The following FAM107B variants were observed in gnomAD, a reference collection of about 807,000 sequenced individuals.
FAM107B encodes family with sequence similarity 107 member B.
A neutral mutation model predicts 31.5 loss-of-function variants in FAM107B; 21 were observed. That is an observed-to-expected ratio of 0.67 (90% CI 0.47 to 0.96). FAM107B has a LOEUF of 0.96. FAM107B is among the 40% of genes least tolerant of loss of function. The probability of loss-of-function intolerance (pLI) is 0.00; values close to 1 mark genes in which losing one functional copy is unlikely to be tolerated. For missense variants in FAM107B, 452 were observed against 377.1 expected (o/e 1.20, Z -1.64); for synonymous variants, 157 against 141.5 (o/e 1.11, Z -0.78).
chr10:14,523,155 T>A (rs1275225222), intron 3 of FAM107B, among the ~76,000 whole-genome samples: 5 of 152,364 alleles, frequency 3.3e-5, no homozygotes, highest in Non-Finnish European at 1.5e-5. Context: ...TAGCTTAAGA[T>A]TTGCCTTTTC....
intron 2 of FAM107B, among the ~76,000 whole-genome samples, chr10:14,664,368 G>A (rs572357619): frequency 1.2e-4 from 19 of 152,156 alleles, no homozygotes; most frequent in Admixed American, 5.9e-4. Flanking sequence ...CAAGTCTGTC[G>A]TATTTACCAC....
At chr10:14,629,279 ATT>A (rs1239112610) in intron 2 of FAM107B, among the ~76,000 whole-genome samples, 16 of 124,526 alleles carry the variant, frequency 1.3e-4, no homozygotes, top group Non-Finnish European at 2.4e-4. Flanking sequence ...ATTTATATAT[ATT>A]ATAAATATAA....
intron 1 of FAM107B, among the ~76,000 whole-genome samples, chr10:14,706,796 C>T (rs573685935): frequency 6.6e-6 from 1 of 152,260 alleles, no homozygotes; most frequent in East Asian, 1.9e-4. Context: ...CTTCAGCCAT[C>T]GTGGTGGTCT....
chr10:14,548,539 A>T, intron 2 of FAM107B: 11 of 985,508 alleles, frequency 1.1e-5, no homozygotes, highest in Non-Finnish European at 1.3e-5. Context: ...TGGCAGGAGG[A>T]ACCTGGGCTC....
At chr10:14,535,806 G>A (rs1188761543) in intron 2 of FAM107B, among the ~76,000 whole-genome samples, 1 of 152,216 alleles carries the variant, frequency 6.6e-6, no homozygotes, top group East Asian at 1.9e-4. Flanking sequence ...GCTGCCTGAT[G>A]AGAATTCTAC....
intron 1 of FAM107B, among the ~76,000 whole-genome samples, chr10:14,706,797 G>A (rs1297717761): frequency 1.3e-5 from 2 of 152,080 alleles, no homozygotes; most frequent in South Asian, 2.1e-4. Flanking sequence ...TTCAGCCATC[G>A]TGGTGGTCTT....
chr10:14,745,342 G>A (rs1356266720), intron 1 of FAM107B, among the ~76,000 whole-genome samples: 1 of 151,970 alleles, frequency 6.6e-6, no homozygotes, highest in Non-Finnish European at 1.5e-5. Flanking sequence ...TCTTTTGCTA[G>A]TTTTGGGGTT....
At chr10:14,537,198 C>A (rs1190860780) in intron 2 of FAM107B, among the ~76,000 whole-genome samples, 1 of 152,152 alleles carries the variant, frequency 6.6e-6, no homozygotes, top group Non-Finnish European at 1.5e-5. Flanking sequence ...GCCCACTCCG[C>A]CTTCCTGCAC....
chr10:14,628,446 G>T (rs1243942197), intron 2 of FAM107B, among the ~76,000 whole-genome samples: 2 of 152,044 alleles, frequency 1.3e-5, no homozygotes, highest in Non-Finnish European at 2.9e-5. Flanking sequence ...ACCCAGATGG[G>T]TCTTTCCAGT....
chr10:14,704,056 T>A (rs1017715099), intron 1 of FAM107B, among the ~76,000 whole-genome samples: 1 of 152,232 alleles, frequency 6.6e-6, no homozygotes, highest in East Asian at 1.9e-4. Flanking sequence ...ACAAACCTTT[T>A]GAGAGAAACA....
rs144945470 is a variant in FAM107B, at chr10:14,550,689, A to C, written c.470-20174T>G. Among the ~76,000 whole-genome samples the C allele has an allele frequency of 2.6e-3, 400 of 152,338 alleles. 4 individuals carry two copies. The highest frequency in any genetic ancestry group is 9.3e-3 in the African/African-American group (388 of 41,564). On this transcript the variant is annotated intron_variant, in intron 2 of 4. Transcript: ENST00000181796. The stretch of plus-strand genomic sequence containing the variant: ...ATGCTTTCATTTCTTTTGTTGTAAC[A>C]GGATTCATTACCCAAGAACCCAGCA...
chr10:14,701,714 G>GC (rs768751378), intron 1 of FAM107B, among the ~76,000 whole-genome samples: 1 of 146,342 alleles, frequency 6.8e-6, no homozygotes, highest in Admixed American at 6.8e-5. Context: ...GCAAAGAGTT[G>GC]TTTTTTTTTT....
chr10:14,598,613 T>C (rs1852264130), intron 2 of FAM107B, among the ~76,000 whole-genome samples: 2 of 152,184 alleles, frequency 1.3e-5, no homozygotes, highest in Admixed American at 6.5e-5. Context: ...GAATAAGCTC[T>C]AGAGAGCTGC....
intron 1 of FAM107B, among the ~76,000 whole-genome samples, chr10:14,762,939 G>A (rs1833086491): frequency 6.6e-6 from 1 of 152,140 alleles, no homozygotes; most frequent in Non-Finnish European, 1.5e-5. Flanking sequence ...ATTCCTATAT[G>A]TTAATTTATT....
intron 1 of FAM107B, among the ~76,000 whole-genome samples, chr10:14,727,056 G>A (rs1303777413): frequency 6.6e-6 from 1 of 152,026 alleles, no homozygotes; most frequent in Non-Finnish European, 1.5e-5. Flanking sequence ...AAGCGACCTA[G>A]ATACCTCACA....
chr10:14,663,493 A>G (rs534499545), intron 2 of FAM107B: 3 of 152,356 alleles, frequency 2.0e-5, no homozygotes, highest in African/African-American at 7.2e-5. Context: ...ATGGTCGTAG[A>G]CGGTAAACTT....
chr10:14,682,811 A>G (rs1003845812), intron 1 of FAM107B, among the ~76,000 whole-genome samples: 1 of 152,144 alleles, frequency 6.6e-6, no homozygotes, highest in African/African-American at 2.4e-5. Context: ...TGATGGGTAC[A>G]GCAAACCACT....
Position 14,671,501 on chromosome 10 carries a change from A to C in FAM107B, c.412-3810T>G, listed in dbSNP as rs368290256. Among the ~76,000 whole-genome samples the C allele has an allele frequency of 2.6e-5, 4 of 152,104 alleles. No homozygotes were observed. The East Asian group carries it at 5.8e-4, about 22-fold the overall frequency. On this transcript the variant is annotated intron_variant, in intron 1 of 4. Transcript: ENST00000181796. ...TGATGCAAATGGCACGAGCTTCCCGAGGCTCCACCCCAAGTGGGCAGGCTG... is the reference window on the plus strand; with the variant it reads ...TGATGCAAATGGCACGAGCTTCCCGCGGCTCCACCCCAAGTGGGCAGGCTG...
chr10:14,752,502 A>G (rs915821208), intron 1 of FAM107B, among the ~76,000 whole-genome samples: 2 of 152,244 alleles, frequency 1.3e-5, no homozygotes, highest in South Asian at 4.1e-4. Flanking sequence ...GTTGTGAATA[A>G]GAAGAGTTTT....
Sources: allele counts gnomAD v4.1 joint callset (sites outside exome capture counted in the v4.1 genomes callset), GRCh38; gene constraint gnomAD v4.1.1; transcripts MANE v1.5; gene names NCBI Gene and HGNC (gene_info 2026-07-23, HGNC 2026-07-21).